GLIS1: variants seen among roughly 807,000 people sequenced by gnomAD.
The protein encoded by GLIS1 is GLIS family zinc finger 1.
GLIS1 carries 24 observed loss-of-function variants against 63.8 expected under a neutral mutation model. The observed-to-expected ratio is 0.38, with a 90% CI of 0.27 to 0.53. GLIS1 has a LOEUF of 0.53. Among genes scored for constraint, GLIS1 ranks in the 20% least tolerant of loss-of-function variants. GLIS1 has a pLI of 0.85. For missense variants in GLIS1, 1,036 were observed against 1,074.1 expected, an observed-to-expected ratio of 0.96 and a Z score of 0.50; for synonymous variants, 450 against 482.5, an observed-to-expected ratio of 0.93 and a Z score of 0.88.
chr1:53,719,696 G>A (rs1201812287), intron 2 of GLIS1, among the ~76,000 whole-genome samples: 1 of 151,980 alleles, frequency 6.6e-6, no homozygotes, highest in Non-Finnish European at 1.5e-5. Flanking sequence ...GGTGGAGTGG[G>A]AGTTGAAAAA....
At chr1:53,669,722 C>T (rs2100391508) in intron 2 of GLIS1, among the ~76,000 whole-genome samples, 1 of 152,334 alleles carries the variant, frequency 6.6e-6, no homozygotes, top group African/African-American at 2.4e-5. Context: ...GTGCTAACTG[C>T]CTGCTATGTG....
At chr1:53,667,454 G>A (rs1346827280) in intron 2 of GLIS1, among the ~76,000 whole-genome samples, 1 of 152,210 alleles carries the variant, frequency 6.6e-6, no homozygotes, top group African/African-American at 2.4e-5. Context: ...AGGGAGGAGT[G>A]GGGCTTCACC....
rs115198097 is a variant in GLIS1, at chr1:53,731,701, T to C, written c.259+6105A>G. Among the ~76,000 whole-genome samples the C allele has an allele frequency of 3.7e-3, 568 of 152,336 alleles. 6 individuals are homozygous for C. Among genetic ancestry groups the C allele is most frequent in the African/African-American group, 0.013 (545 of 41,572 alleles). The stretch of plus-strand genomic sequence containing the variant: ...CCTAGGGCTGCTGGGCATAATTAAA[T>C]GTGATCACGTCTCTAAAGCATCTCA... On this transcript the variant is annotated intron_variant, in intron 2 of 10. Transcript: ENST00000628545.
Position 53,620,347 on chromosome 1 carries a change from G to A in GLIS1, c.260-20069C>T, listed in dbSNP as rs1180090410. ...AGTGTACCACCTTGATGCTCCATCT[G>A]GTCAGAGGACAGGGTGAACAGAAAA... On this transcript the variant is annotated intron_variant, in intron 2 of 10. Transcript: ENST00000628545. Among the ~76,000 whole-genome samples the A allele has an allele frequency of 3.3e-5, 5 of 152,208 alleles. No homozygotes were observed. The East Asian group carries it at 9.6e-4, about 29-fold the overall frequency.
chr1:53,519,864 C>T (rs1359631131), intron 7 of GLIS1, among the ~76,000 whole-genome samples: 1 of 152,232 alleles, frequency 6.6e-6, no homozygotes, highest in Non-Finnish European at 1.5e-5. Context: ...AGGCCAGGAG[C>T]AGAATGGGCT....
chr1:53,599,237 T>C (rs1173854039), intron 3 of GLIS1, among the ~76,000 whole-genome samples: 1 of 152,150 alleles, frequency 6.6e-6, no homozygotes, highest in Non-Finnish European at 1.5e-5. Context: ...TGTGGCAGTG[T>C]TGAGAGGTGG....
intron 4 of GLIS1, among the ~76,000 whole-genome samples, chr1:53,550,146 C>CT (rs922969617): frequency 8.5e-5 from 13 of 152,316 alleles, no homozygotes; most frequent in Non-Finnish European, 1.8e-4. Flanking sequence ...AGTCAGTTTC[C>CT]TTACAGGCAT....
chr1:53,682,593 G>A (rs1188814968), intron 2 of GLIS1, among the ~76,000 whole-genome samples: 7 of 152,246 alleles, frequency 4.6e-5, no homozygotes, highest in African/African-American at 1.4e-4. Context: ...ATACACCCAC[G>A]TTCCTGTCTG....
At chr1:53,603,715 C>G (rs751197487) in intron 2 of GLIS1, among the ~76,000 whole-genome samples, 2 of 152,226 alleles carry the variant, frequency 1.3e-5, no homozygotes, top group Non-Finnish European at 2.9e-5. Flanking sequence ...GGTTGGCACC[C>G]GCAACCATGT....
chr1:53,589,171 T>C (rs182446007), intron 4 of GLIS1, among the ~76,000 whole-genome samples: 1 of 152,146 alleles, frequency 6.6e-6, no homozygotes, highest in African/African-American at 2.4e-5. Flanking sequence ...AGTGGTGTGA[T>C]CATAGCTCAC....
chr1:53,591,302 C>T (rs980142019), intron 4 of GLIS1, among the ~76,000 whole-genome samples: 17 of 152,184 alleles, frequency 1.1e-4, no homozygotes, highest in African/African-American at 4.1e-4. Flanking sequence ...GCCCACCCCA[C>T]CGCAGGCAAG....
chr1:53,625,937 G>A (rs141422571), intron 2 of GLIS1, among the ~76,000 whole-genome samples: 1,757 of 152,332 alleles, frequency 0.012, 29 homozygotes, highest in African/African-American at 0.041. Context: ...CCTATCAGAG[G>A]TGACCTGCCT....
At chr1:53,600,011 C>T (rs1343004780) in intron 3 of GLIS1, 90 bp downstream of exon 3, 5 of 706,276 alleles carry the variant, frequency 7.1e-6, no homozygotes, top group Non-Finnish European at 9.9e-6. Context: ...CCCCATGTGT[C>T]CCCCCAGCTA....
chr1:53,666,251 G>A (rs1048338581), intron 2 of GLIS1, among the ~76,000 whole-genome samples: 3 of 152,148 alleles, frequency 2.0e-5, no homozygotes, highest in African/African-American at 7.2e-5. Flanking sequence ...AACACGACCT[G>A]GACAGCAGCT....
At chr1:53,544,193 C>G (rs1644674725) in intron 4 of GLIS1, among the ~76,000 whole-genome samples, 1 of 152,230 alleles carries the variant, frequency 6.6e-6, no homozygotes, top group Non-Finnish European at 1.5e-5. Context: ...TTGTGCTGAA[C>G]CGCTCGGCTA....
rs932703184 is a variant in GLIS1, at chr1:53,646,733, C to T, written c.260-46455G>A. Among the ~76,000 whole-genome samples the T allele has an allele frequency of 1.3e-5, 2 of 151,986 alleles. No individual in the cohort carries two copies. Among genetic ancestry groups the T allele is most frequent in the Admixed American group, 6.6e-5 (1 of 15,252 alleles). On this transcript the variant is annotated intron_variant, in intron 2 of 10. Coordinates refer to ENST00000628545, the MANE Select transcript of GLIS1 (RefSeq NM_001367484.1). This position sits in a 1 kb window ranked among gnomAD's most constrained non-coding sequence, Gnocchi z 4.2. ...GCTAAGGGAGGAGGACTGTTTGAAC[C>T]TGGTAGGCAGAGGTTGCAGTGAGTA...
chr1:53,738,759 G>A (rs1646938323), intron 1 of GLIS1, among the ~76,000 whole-genome samples: 1 of 152,186 alleles, frequency 6.6e-6, no homozygotes, highest in Non-Finnish European at 1.5e-5. Context: ...AGCCCGTCGC[G>A]CGCGCAAACC....
At chr1:53,663,940 C>CG (rs36118151) in intron 2 of GLIS1, among the ~76,000 whole-genome samples, 31,335 of 151,996 alleles carry the variant, frequency 0.21, 3,289 homozygotes, top group East Asian at 0.33. Context: ...AAAGACTAGC[C>CG]GGGGGGCTCT....
chr1:53,578,915 G>C (rs577493937), intron 4 of GLIS1, among the ~76,000 whole-genome samples: 5 of 152,100 alleles, frequency 3.3e-5, no homozygotes, highest in African/African-American at 1.2e-4. Context: ...AAGGGAAGGG[G>C]TGAAGAAAAC....
Sources: allele counts gnomAD v4.1 joint callset (sites outside exome capture counted in the v4.1 genomes callset), GRCh38; gene constraint gnomAD v4.1.1; non-coding constraint Gnocchi (gnomAD v3.1); transcripts MANE v1.5; gene names NCBI Gene and HGNC (gene_info 2026-07-23, HGNC 2026-07-21).